The following ATP10B variants were observed in gnomAD, a reference collection of about 807,000 sequenced individuals.
The protein encoded by ATP10B is phospholipid-transporting ATPase VB.
ATP10B carries 122 observed loss-of-function variants against 141.2 expected under a neutral mutation model. The ratio of observed to expected loss-of-function variants is 0.86; its 90% CI spans 0.75 to 1.00. The LOEUF (loss-of-function observed/expected upper bound fraction) is 1.00, where lower values mean the gene tolerates loss of function less well. ATP10B is among the 50% of genes least tolerant of loss of function. The pLI, the probability that ATP10B is intolerant of heterozygous loss-of-function variation, is 0.00. For missense variants in ATP10B, 1,876 were observed against 1,825.3 expected (o/e 1.03, Z -0.51); for synonymous variants, 685 against 692.0 (o/e 0.99, Z 0.16).
At chr5:160,613,575 G>C (rs1757844157) in intron 17 of ATP10B, among the ~76,000 whole-genome samples, 1 of 152,208 alleles carries the variant, frequency 6.6e-6, no homozygotes, top group Non-Finnish European at 1.5e-5. Flanking sequence ...AGCTACTTAG[G>C]AGGCCAGGCA....
chr5:160,824,732 A>G (rs1172985522), intron 1 of ATP10B, among the ~76,000 whole-genome samples: 1 of 150,808 alleles, frequency 6.6e-6, no homozygotes, highest in South Asian at 2.1e-4. Context: ...GTAAAAATAT[A>G]TATTGTAATA....
chr5:160,563,263 T>C lies in ATP10B; in HGVS notation c.*2190A>G, dbSNP rs2127589979. On this transcript the variant is annotated 3_prime_UTR_variant, in exon 26 of 26. Transcript: ENST00000327245. ...GGGAATAGTGGTTATAACTTTTCCC[T>C]GTAAGATGGCACATTGGATGGTCAC... The C allele has an allele frequency of 6.6e-6, 1 of 152,338 alleles. No homozygotes were observed. Among genetic ancestry groups the C allele is most frequent in the Non-Finnish European group, 1.5e-5 (1 of 68,032 alleles). The allele number at this position is 152,338 out of a possible 1,614,324, so 9.4% of individuals were successfully genotyped here.
At chr5:160,787,549 A>AT (rs1771262010) in intron 1 of ATP10B, among the ~76,000 whole-genome samples, 1 of 152,184 alleles carries the variant, frequency 6.6e-6, no homozygotes, top group Non-Finnish European at 1.5e-5. Flanking sequence ...AGACTTTTTA[A>AT]TTTTCTCTTA....
chr5:160,883,328 C>CA, the ATP10B span, among the ~76,000 whole-genome samples: 4 of 151,974 alleles, frequency 2.6e-5, no homozygotes, highest in African/African-American at 9.7e-5. Context: ...AAAATTATAG[C>CA]AAAAAAGACC....
At chr5:160,571,565 A>T (rs956864830) in intron 24 of ATP10B, among the ~76,000 whole-genome samples, 3 of 152,204 alleles carry the variant, frequency 2.0e-5, no homozygotes, top group Non-Finnish European at 4.4e-5. Flanking sequence ...TCATGGACTC[A>T]TTCTTTTATG....
chr5:160,826,474 G>A lies in ATP10B; in HGVS notation c.-576+25467C>T, dbSNP rs1194706476. On this transcript the variant is annotated intron_variant, in intron 1 of 25. Coordinates refer to ENST00000327245, the MANE Select transcript of ATP10B (RefSeq NM_025153.3). Reference sequence around the variant, plus strand: ...TTATCTTCGTAAGCTGAGGATGTACGTCTCCTCCGGATCACTATAATTGTG... The same window carrying A: ...TTATCTTCGTAAGCTGAGGATGTACATCTCCTCCGGATCACTATAATTGTG... Among the ~76,000 whole-genome samples, 5 of 152,082 alleles carry A rather than the reference G, an allele frequency of 3.3e-5. No individual in the cohort carries two copies. The South Asian group carries it at 6.2e-4, about 19-fold the overall frequency.
intron 7 of ATP10B, among the ~76,000 whole-genome samples, chr5:160,668,624 A>T (rs1762471510): frequency 6.6e-6 from 1 of 152,170 alleles, no homozygotes; most frequent in Admixed American, 6.5e-5. Context: ...ATTGACTCAG[A>T]GCCTGGAGAC....
chr5:160,784,834 A>G (rs1202745983), intron 2 of ATP10B, among the ~76,000 whole-genome samples: 2 of 152,122 alleles, frequency 1.3e-5, no homozygotes, highest in Admixed American at 6.6e-5. Context: ...TATAGTAGAT[A>G]CTATTGATTG....
chr5:160,596,169 C>T (rs905174098), intron 22 of ATP10B, among the ~76,000 whole-genome samples: 4 of 152,186 alleles, frequency 2.6e-5, no homozygotes, highest in African/African-American at 9.7e-5. Context: ...CCAAACCCAG[C>T]AGCACATCAA....
At chr5:160,887,760 C>A in the ATP10B span, among the ~76,000 whole-genome samples, 1 of 152,154 alleles carries the variant, frequency 6.6e-6, no homozygotes, top group African/African-American at 2.4e-5. Flanking sequence ...CCCCAAGATA[C>A]CTGTGTGGCT....
intron 24 of ATP10B, 93 bp from the exon 25 acceptor site, chr5:160,569,776 T>C: frequency 9.3e-7 from 1 of 1,075,372 alleles, no homozygotes; most frequent in Non-Finnish European, 1.3e-6. Flanking sequence ...TTTCAAACTA[T>C]TTTTGAAATG....
chr5:160,775,854 G>C (rs551288898), intron 2 of ATP10B, among the ~76,000 whole-genome samples: 4 of 151,978 alleles, frequency 2.6e-5, no homozygotes, highest in African/African-American at 4.8e-5. Context: ...CTAATTTTTT[G>C]TATTTTTAGT....
intron 16 of ATP10B, among the ~76,000 whole-genome samples, chr5:160,617,070 C>T (rs1430952483): frequency 6.6e-6 from 1 of 152,194 alleles, no homozygotes; most frequent in Non-Finnish European, 1.5e-5. Flanking sequence ...GTGGGCACTC[C>T]TGATCTCTAA....
intron 10 of ATP10B, among the ~76,000 whole-genome samples, chr5:160,638,629 G>C (rs550844662): frequency 5.3e-5 from 8 of 152,184 alleles, no homozygotes. Flanking sequence ...CTTCATCACT[G>C]TAGTGGCACA....
In ATP10B at chr5:160,617,882, T is replaced by G. The variant is rs559404462; in HGVS notation, c.2508A>C (p.Thr836=). 196 of 1,614,132 alleles carry G rather than the reference T, an allele frequency of 1.2e-4. 2 individuals carry two copies. In the South Asian group the frequency reaches 2.0e-3, roughly 17 times the overall value. ...TTCTTACCTTCTTGGCAATGCATAG[T>G]GTGCGCAGGCCATCTCTTGCATACA... ...LDLYARDGLR[T]LCIAKKVVSE... is the part of the protein sequence containing the mutation. Residue 836 remains threonine (T), a synonymous_variant, in exon 16 of 26, where the codon ACA becomes ACC. Transcript: ENST00000327245.
intron 2 of ATP10B, among the ~76,000 whole-genome samples, chr5:160,745,505 C>A (rs1380644637): frequency 6.6e-6 from 1 of 152,218 alleles, no homozygotes; most frequent in African/African-American, 2.4e-5. Context: ...CATTTGCATT[C>A]ATCCTCACTG....
chr5:160,742,751 TG>T (rs1767563897), intron 2 of ATP10B, among the ~76,000 whole-genome samples: 1 of 152,106 alleles, frequency 6.6e-6, no homozygotes, highest in East Asian at 1.9e-4. Flanking sequence ...TTAGGGAATT[TG>T]GGGGGAGGAT....
At chr5:160,746,265 C>T (rs556215405) in intron 2 of ATP10B, among the ~76,000 whole-genome samples, 1 of 152,288 alleles carries the variant, frequency 6.6e-6, no homozygotes, top group African/African-American at 2.4e-5. Context: ...GAGTGGAGCC[C>T]TGGTGGGGGT....
chr5:160,822,621 C>G (rs1036223494), intron 1 of ATP10B, among the ~76,000 whole-genome samples: 1 of 152,028 alleles, frequency 6.6e-6, no homozygotes, highest in African/African-American at 2.4e-5. Context: ...AAGTATCTAG[C>G]AACAGGTGAA....
Sources: allele counts gnomAD v4.1 joint callset (sites outside exome capture counted in the v4.1 genomes callset), GRCh38; gene constraint gnomAD v4.1.1; transcripts MANE v1.5; gene names NCBI Gene and HGNC (gene_info 2026-07-23, HGNC 2026-07-21).